The following KIF26A variants were observed in gnomAD, a reference collection of about 807,000 sequenced individuals.
The protein encoded by KIF26A is kinesin-like protein KIF26A.
KIF26A carries 74 observed loss-of-function variants against 126.0 expected under a neutral mutation model. The observed-to-expected ratio is 0.59, with a 90% CI of 0.49 to 0.71. The LOEUF is 0.71. Among genes scored for constraint, KIF26A ranks in the 30% least tolerant of loss-of-function variants. The probability of loss-of-function intolerance (pLI) is 0.00; values close to 1 mark genes in which losing one functional copy is unlikely to be tolerated. For missense variants in KIF26A, 2,984 were observed against 2,763.3 expected (o/e 1.08, Z -1.79); for synonymous variants, 1,445 against 1,232.7 (o/e 1.17, Z -3.61).
Position 104,176,733 on chromosome 14 carries a change from G to T in KIF26A, c.3945G>T (p.Val1315=), listed in dbSNP as rs750498995. 6.3e-7 allele frequency: 1 copy of T among 1,587,016 alleles called. No individual in the cohort carries two copies. Residue 1315 remains valine, a synonymous_variant, in exon 12 of 15, where the codon GTG becomes GTT. Transcript: ENST00000423312. ...GGAGGGGTGCCACCACGCTGGGTGT[G>T]ACAACGCCAGCTGTGTCCTGGGGAG... ...PLRRGATTLG[V]TTPAVSWGDA...
rs1343078435 is a variant in KIF26A, at chr14:104,174,319, C to T, written c.2193+9C>T. ...GCAGGAAGAAGGCCAAGGTGCTCCC[C>T]ACCTCCTGCCCGCCCCATCTCGGGG... On this transcript the variant is annotated intron_variant, in intron 11 of 14. Transcript: ENST00000423312. 11 of 1,521,318 alleles carry T rather than the reference C, an allele frequency of 7.2e-6. No individual in the cohort carries two copies. Among genetic ancestry groups the T allele is most frequent in the Non-Finnish European group, 9.7e-6 (11 of 1,130,150 alleles). 94.2% of individuals were successfully genotyped at this position (1,521,318 alleles called of 1,614,324 possible).
rs778202291 is a variant in KIF26A, at chr14:104,175,711, G to A, written c.2923G>A (p.Gly975Arg). 6.3e-7 allele frequency: 1 copy of A among 1,588,968 alleles called. No individual in the cohort carries two copies. The highest frequency in any genetic ancestry group is 8.6e-7 in the Non-Finnish European group (1 of 1,169,168). Reference protein sequence around the residue: ...PEEPGGGGTDGVARTPPVGMS... With the variant: ...PEEPGGGGTDRVARTPPVGMS... ...AGAGCCTGGGGGAGGGGGCACTGAT[G>A]GAGTGGCACGGACCCCTCCCGTGGG... Residue 975 changes from glycine (G) to arginine (R), a missense_variant, in exon 12 of 15, where the codon GGA becomes AGA. Physicochemically the swap from Gly to Arg is moderately radical, Grantham distance 125. Transcript: ENST00000423312.
intron 12 of KIF26A, among the ~76,000 whole-genome samples, 161 bp downstream of exon 12, chr14:104,178,059 G>T (rs2141121452): frequency 6.6e-6 from 1 of 152,344 alleles, no homozygotes; most frequent in East Asian, 1.9e-4. Context: ...GACTCGCCTG[G>T]GGCTTTTTGT....
Position 104,173,329 on chromosome 14 carries a change from G to C in KIF26A, c.1684-1G>C, listed in dbSNP as rs770306991. ...CGCCGCTGCCTCTGCCTTTCCTGCAGCTCCAGAACCAAAGCGAGCTGCGGG... is the reference window on the plus strand; with the variant it reads ...CGCCGCTGCCTCTGCCTTTCCTGCACCTCCAGAACCAAAGCGAGCTGCGGG... On this transcript the variant is annotated splice_acceptor_variant, in intron 8 of 14. Transcript: ENST00000423312. LOFTEE classifies it high-confidence loss of function. The C allele has an allele frequency of 1.2e-6, 2 of 1,606,890 alleles. No individual in the cohort carries two copies. The highest frequency in any genetic ancestry group is 3.4e-5 in the Admixed American group (2 of 59,528).
At chr14:104,169,094 C>T (rs1226575635) in intron 5 of KIF26A, among the ~76,000 whole-genome samples, 1 of 152,226 alleles carries the variant, frequency 6.6e-6, no homozygotes, top group Non-Finnish European at 1.5e-5. Context: ...TCCTCCCCAC[C>T]CTCAACAGTC....
intron 4 of KIF26A, among the ~76,000 whole-genome samples, chr14:104,165,914 G>A (rs549473537): frequency 1.3e-5 from 2 of 152,152 alleles, no homozygotes; most frequent in South Asian, 2.1e-4. Flanking sequence ...TGGCTCCCAA[G>A]CATGCACTGG....
rs1268715122 is a variant in KIF26A at position 104,178,732 on chromosome 14, A to G, written c.5293A>G (p.Thr1765Ala). 3 of 1,543,470 alleles carry G rather than the reference A, an allele frequency of 1.9e-6. No individual in the cohort carries two copies. The highest frequency in any genetic ancestry group is 2.6e-6 in the Non-Finnish European group (3 of 1,141,196). ...DVERLQRPRP[T>A]PREAPTQGLA... ...GGAGCGCCTTCAGCGGCCCCGCCCCACCCCGAGGGAGGCCCCCACCCAGGT... is the reference window on the plus strand; with the variant it reads ...GGAGCGCCTTCAGCGGCCCCGCCCCGCCCCGAGGGAGGCCCCCACCCAGGT... Residue 1765 changes from threonine (T) to alanine (A), a missense_variant, in exon 13 of 15, where the codon ACC becomes GCC. By Grantham distance (58) the Thr-to-Ala change is moderately conservative. Transcript: ENST00000423312.
Position 104,171,816 on chromosome 14 carries a change from G to C in KIF26A, c.1207G>C (p.Val403Leu). ...FLKVDPRKKQVILYDPAAGPP... is the reference protein window; with the variant it reads ...FLKVDPRKKQLILYDPAAGPP... ...GAAGGTGGACCCTCGGAAGAAGCAG[G>C]TGATCCTCTACGATCCCGCCGCCGG... The change falls in exon 6 of 15, where the codon GTG becomes CTG. Residue 403 changes from valine (V) to leucine (L), a missense_variant. Transcript: ENST00000423312. The C allele has an allele frequency of 6.4e-7, 1 of 1,565,916 alleles. No homozygotes were observed. The highest frequency in any genetic ancestry group is 8.6e-7 in the Non-Finnish European group (1 of 1,156,322).
chr14:104,160,580 G>T (rs1414843750), intron 4 of KIF26A, among the ~76,000 whole-genome samples: 3 of 152,234 alleles, frequency 2.0e-5, no homozygotes, highest in Non-Finnish European at 4.4e-5. Context: ...TGCTGGCCCA[G>T]CAAGTGTTCG....
chr14:104,167,173 G>A (rs966615634), intron 5 of KIF26A, 125 bp downstream of exon 5: 10 of 1,029,890 alleles, frequency 9.7e-6, no homozygotes, highest in Admixed American at 3.1e-5. Flanking sequence ...GGTGGTCAGT[G>A]GGGTGCCATG....
intron 2 of KIF26A, among the ~76,000 whole-genome samples, chr14:104,140,025 G>C (rs1158061510): frequency 6.6e-6 from 1 of 152,136 alleles, no homozygotes; most frequent in Non-Finnish European, 1.5e-5. Flanking sequence ...GGCTGGGGGC[G>C]GGTGGGGGTC....
At chr14:104,168,523 G>T (rs112170657) in intron 5 of KIF26A, among the ~76,000 whole-genome samples, 6,543 of 152,260 alleles carry the variant, frequency 0.043, 181 homozygotes, top group Non-Finnish European at 0.063. Flanking sequence ...GGCCATGGCG[G>T]GTCCGGGTGG....
chr14:104,152,045 A>G lies in KIF26A; in HGVS notation c.319A>G (p.Lys107Glu). ...DPCLSALLLD[K>E]LPAPGALPAC... is the part of the protein sequence containing the mutation. Reference sequence around the variant, plus strand: ...TTGCCTCTCTGCCCTGCTTCTCGACAAGCTACCAGCACCTGGGGCCCTGCC... The same window carrying G: ...TTGCCTCTCTGCCCTGCTTCTCGACGAGCTACCAGCACCTGGGGCCCTGCC... The change falls in exon 3 of 15, where the codon AAG becomes GAG. Residue 107 changes from lysine to glutamate, a missense_variant. By Grantham distance (56) the Lys-to-Glu change is moderately conservative (BLOSUM62 1). Coordinates refer to ENST00000423312, the MANE Select transcript of KIF26A (RefSeq NM_015656.2). The surrounding 1 kb of genome is among the most constrained non-coding windows in gnomAD (Gnocchi z 5.9). 1 of 1,612,444 alleles carries G rather than the reference A, an allele frequency of 6.2e-7. No homozygotes were observed.
rs2038034777 is a variant in KIF26A at position 104,176,820 on chromosome 14, G to A, written c.4032G>A (p.Lys1344=). The A allele has an allele frequency of 2.6e-6, 4 of 1,556,254 alleles. No homozygotes were observed. The highest frequency in any genetic ancestry group is 2.4e-5 in the East Asian group (1 of 41,608). ...GSLKASPTSK[K]GLAPKAGFLP... is the part of the protein sequence containing the mutation. Reference sequence around the variant, plus strand: ...TGAAGGCCTCCCCCACCAGCAAGAAGGGTCTGGCTCCCAAGGCGGGCTTCC... The same window carrying A: ...TGAAGGCCTCCCCCACCAGCAAGAAAGGTCTGGCTCCCAAGGCGGGCTTCC... Residue 1344 remains lysine (K), a synonymous_variant, in exon 12 of 15, where the codon AAG becomes AAA. Coordinates refer to ENST00000423312, the MANE Select transcript of KIF26A (RefSeq NM_015656.2).
chr14:104,162,380 G>A (rs759400787), intron 4 of KIF26A, among the ~76,000 whole-genome samples: 22 of 152,178 alleles, frequency 1.4e-4, no homozygotes, highest in Non-Finnish European at 3.2e-4. Context: ...GGGTGTGCCC[G>A]CTGTGGCCCA....
rs914788294 is a variant in KIF26A at position 104,138,636 on chromosome 14, G to A, written c.-87G>A. The A allele has an allele frequency of 8.5e-6, 9 of 1,065,052 alleles. No homozygotes were observed. The highest frequency in any genetic ancestry group is 1.1e-5 in the Non-Finnish European group (9 of 844,210). The allele number at this position is 1,065,052 out of a possible 1,614,324, so 66.0% of individuals were successfully genotyped here. A position where few individuals can be genotyped will look rare whatever the true frequency, so the allele number is the denominator to read the frequency against. Reference sequence around the variant, plus strand: ...AGCGGCTGGGCCGGGCCATGGGGGCGCCTCGGGGCCGGATCACGTAGCCGC... The same window carrying A: ...AGCGGCTGGGCCGGGCCATGGGGGCACCTCGGGGCCGGATCACGTAGCCGC... On this transcript the variant is annotated 5_prime_UTR_variant, in exon 1 of 15. Coordinates refer to ENST00000423312, the MANE Select transcript of KIF26A (RefSeq NM_015656.2).
intron 4 of KIF26A, among the ~76,000 whole-genome samples, chr14:104,164,017 A>G (rs1260930407): frequency 6.6e-6 from 1 of 152,106 alleles, no homozygotes; most frequent in African/African-American, 2.4e-5. Flanking sequence ...GGACTCCACC[A>G]TGTGTCATAG....
At chr14:104,150,813 T>C (rs1268196694) in intron 2 of KIF26A, among the ~76,000 whole-genome samples, 2 of 152,108 alleles carry the variant, frequency 1.3e-5, no homozygotes, top group Admixed American at 1.3e-4. Context: ...TGGGGGCTGG[T>C]GGAGGACCCC....
Position 104,176,307 on chromosome 14 carries a change from G to T in KIF26A, c.3519G>T (p.Trp1173Cys), listed in dbSNP as rs1383541433. The change falls in exon 12 of 15, where the codon TGG (tryptophan) becomes TGT (cysteine). Residue 1173 changes from tryptophan to cysteine, a missense_variant. Trp to Cys is a radical substitution (Grantham distance 215). Transcript: ENST00000423312. ...PDRPDSPGPT[W>C]GPCPGEVAAV... ...GACCTGACAGTCCTGGGCCAACCTG[G>T]GGTCCGTGCCCTGGGGAAGTGGCTG... The T allele has an allele frequency of 1.3e-6, 2 of 1,584,478 alleles. No homozygotes were observed. The highest frequency in any genetic ancestry group is 2.7e-5 in the African/African-American group (2 of 74,344).
Sources: allele counts gnomAD v4.1 joint callset (sites outside exome capture counted in the v4.1 genomes callset), GRCh38; gene constraint gnomAD v4.1.1; non-coding constraint Gnocchi (gnomAD v3.1); transcripts MANE v1.5; gene names NCBI Gene and HGNC (gene_info 2026-07-23, HGNC 2026-07-21).